Variants in FAM83E observed in about 807,000 individuals in gnomAD.
FAM83E encodes the protein protein FAM83E.
A neutral mutation model predicts 34.3 loss-of-function variants in FAM83E; 29 were observed. The observed-to-expected ratio is 0.85, with a 90% CI of 0.63 to 1.15. The LOEUF (loss-of-function observed/expected upper bound fraction) is 1.15, where lower values mean the gene tolerates loss of function less well. Among genes scored for constraint, FAM83E ranks in the 50% most tolerant of loss-of-function variants. The pLI is 0.00. For missense variants in FAM83E, 697 were observed against 685.0 expected (o/e 1.02, Z -0.20); for synonymous variants, 312 against 311.6 (o/e 1.00, Z -0.01).
rs1196630216 is a variant in FAM83E, at chr19:48,612,924, A to T, written c.449T>A (p.Ile150Asn). Residue 150 changes from isoleucine (I) to asparagine (N), a missense_variant, in exon 3 of 7, where the codon ATC (isoleucine) becomes AAC (asparagine). Transcript: ENST00000263266. Reference protein sequence around the residue: ...PPLKELVRLEIQAAHKLVAVV... With the variant: ...PPLKELVRLENQAAHKLVAVV... ...GACACCCACCTTGTGGGCAGCCTGG[A>T]TCTCCAGCCGCACCAGCTCCTTGAG... 1 of 1,557,082 alleles carries T rather than the reference A, an allele frequency of 6.4e-7. No individual in the cohort carries two copies. Among genetic ancestry groups the T allele is most frequent in the Non-Finnish European group, 8.7e-7 (1 of 1,148,132 alleles).
chr19:48,612,964 C>T lies in FAM83E; in HGVS notation c.409G>A (p.Glu137Lys), dbSNP rs773475170. Residue 137 changes from glutamate to lysine, a missense_variant, in exon 3 of 7, where the codon GAG becomes AAG. By Grantham distance (56) the Glu-to-Lys change is moderately conservative (BLOSUM62 1). Coordinates refer to ENST00000263266, the MANE Select transcript of FAM83E (RefSeq NM_017708.4). Reference sequence around the variant, plus strand: ...AGCTCCTTGAGGGGCGGCTGACCCTCTCCAGGAGGCTGGGTGTACAGCTGC... The same window carrying T: ...AGCTCCTTGAGGGGCGGCTGACCCTTTCCAGGAGGCTGGGTGTACAGCTGC... ...RAQLYTQPPG[E>K]GQPPLKELVR... 3.8e-6 allele frequency: 6 copies of T among 1,599,356 alleles called. No individual in the cohort carries two copies. The African/African-American group carries it at 6.7e-5, about 18-fold the overall frequency.
At chr19:48,602,814 T>G (rs1297400557) in intron 6 of FAM83E, among the ~76,000 whole-genome samples, 1 of 98,238 alleles carries the variant, frequency 1.0e-5, no homozygotes, top group East Asian at 2.9e-4. Flanking sequence ...CAGGAATGTA[T>G]TTATTTATTG....
chr19:48,608,169 G>A (rs1323663829), intron 5 of FAM83E, among the ~76,000 whole-genome samples: 1 of 151,396 alleles, frequency 6.6e-6, no homozygotes. Context: ...GAGTGCAGTG[G>A]TGCAATCTTG....
intron 6 of FAM83E, among the ~76,000 whole-genome samples, chr19:48,602,003 G>A (rs1195076734): frequency 2.0e-5 from 3 of 151,554 alleles, no homozygotes; most frequent in East Asian, 3.9e-4. Flanking sequence ...TTAGCCAGGC[G>A]TGGTGGCGTG....
chr19:48,602,705 ATATATATAT>A (rs1375315317), intron 6 of FAM83E, among the ~76,000 whole-genome samples: 540 of 29,406 alleles, frequency 0.018, 120 homozygotes, highest in East Asian at 0.033. Context: ...AAAAAAAAAA[ATATATATAT>A]ATATATATAT....
At chr19:48,611,525 T>C (rs553962640) in intron 3 of FAM83E, among the ~76,000 whole-genome samples, 25 of 146,576 alleles carry the variant, frequency 1.7e-4, no homozygotes, top group African/African-American at 6.1e-4. Context: ...TGGAGTGCAG[T>C]GGCGCAATAT....
At chr19:48,612,605 T>C (rs964590555) in intron 3 of FAM83E, among the ~76,000 whole-genome samples, 2 of 152,116 alleles carry the variant, frequency 1.3e-5, no homozygotes, top group African/African-American at 4.8e-5. Context: ...GGTTTCACTA[T>C]GTTGGCCAGG....
rs561108431 is a variant in FAM83E at position 48,601,135 on chromosome 19, G to A, written c.1411C>T (p.Arg471Trp). 8 of 1,612,030 alleles carry A rather than the reference G, an allele frequency of 5.0e-6. No homozygotes were observed. The highest frequency in any genetic ancestry group is 2.2e-5 in the South Asian group (2 of 90,846). ...CAGGGTTGCCCCCCAAGTCCTGCCCGGGGGGCCCAGTCTGACGGCCTGACG... is the reference window on the plus strand; with the variant it reads ...CAGGGTTGCCCCCCAAGTCCTGCCCAGGGGGCCCAGTCTGACGGCCTGACG... ...RGVRPSDWAP[R>W]AGLGGQP Residue 471 changes from arginine to tryptophan, a missense_variant, in exon 7 of 7, where the codon CGG (arginine) becomes TGG (tryptophan). By Grantham distance (101) the Arg-to-Trp change is moderately radical. Coordinates refer to ENST00000263266, the MANE Select transcript of FAM83E (RefSeq NM_017708.4).
rs1457361802 is a variant in FAM83E, at chr19:48,614,559, C to T, written c.-1187G>A. On this transcript the variant is annotated 5_prime_UTR_variant, in exon 3 of 7. Transcript: ENST00000263266. ...GGGGACCCTGGACCCTTGATCCCTGCAAACCAGAAGCCCTTCATTCCAATC... is the reference window on the plus strand; with the variant it reads ...GGGGACCCTGGACCCTTGATCCCTGTAAACCAGAAGCCCTTCATTCCAATC... 3 of 986,104 alleles carry T rather than the reference C, an allele frequency of 3.0e-6. No individual in the cohort carries two copies. The highest frequency in any genetic ancestry group is 3.6e-6 in the Non-Finnish European group (3 of 830,566). The allele number at this position is 986,104 out of a possible 1,614,324, so 61.1% of individuals were successfully genotyped here. A position where few individuals can be genotyped will look rare whatever the true frequency, so the allele number is the denominator to read the frequency against.
In FAM83E at chr19:48,613,839, T is replaced by C. The variant is rs1974094781; in HGVS notation, c.-467A>G. ...TTTGGTCAGGCTGACCACTTGATCA[T>C]TTCCAGGCGGCAAGCTGCCTGCCTG... On this transcript the variant is annotated 5_prime_UTR_variant, in exon 3 of 7. The change abolishes an upstream ATG in the 5' untranslated region. Coordinates refer to ENST00000263266, the MANE Select transcript of FAM83E (RefSeq NM_017708.4). 9.1e-6 allele frequency: 9 copies of C among 985,288 alleles called. No homozygotes were observed. The highest frequency in any genetic ancestry group is 1.7e-5 in the African/African-American group (1 of 57,226). 61.0% of individuals were successfully genotyped at this position (985,288 alleles called of 1,614,324 possible). A position where few individuals can be genotyped will look rare whatever the true frequency, so the allele number is the denominator to read the frequency against.
chr19:48,607,573 T>G, intron 5 of FAM83E: 1 of 609,220 alleles, frequency 1.6e-6, no homozygotes, highest in Non-Finnish European at 2.9e-6. Context: ...TTGATTGTAT[T>G]ACTCTGTTCC....
chr19:48,610,086 G>A (rs1974014927), intron 4 of FAM83E, 86 bp from the exon 5 acceptor site: 12 of 1,514,098 alleles, frequency 7.9e-6, no homozygotes, highest in Non-Finnish European at 1.1e-5. Context: ...CTAACTGGGG[G>A]ACCCATGACT....
rs1273815423 is a variant in FAM83E at position 48,600,649 on chromosome 19, T to TC, written c.*459dup. On this transcript the variant is annotated 3_prime_UTR_variant, in exon 7 of 7. Coordinates refer to ENST00000263266, the MANE Select transcript of FAM83E (RefSeq NM_017708.4). ...TCGATCAGCCTTTCTTTTTCTTTTT[T>TC]CTTTTTTTTTTTTTTTTAAAGAGAT... Among the ~76,000 whole-genome samples the TC allele has an allele frequency of 1.3e-5, 2 of 148,328 alleles. No individual in the cohort carries two copies. Among genetic ancestry groups the TC allele is most frequent in the Admixed American group, 6.7e-5 (1 of 14,944 alleles).
intron 5 of FAM83E, chr19:48,607,032 G>A (rs542845904): frequency 2.6e-5 from 42 of 1,611,944 alleles, no homozygotes; most frequent in Middle Eastern, 1.6e-4. Flanking sequence ...CAGGCACGAC[G>A]GGCGTCAAGG....
At chr19:48,611,804 T>C (rs1248979109) in intron 3 of FAM83E, among the ~76,000 whole-genome samples, 2 of 152,180 alleles carry the variant, frequency 1.3e-5, no homozygotes, top group African/African-American at 2.4e-5. Flanking sequence ...CAGCGTCCCC[T>C]GAGCTGCGAC....
At chr19:48,611,261 C>T (rs924570502) in intron 3 of FAM83E, among the ~76,000 whole-genome samples, 12 of 151,744 alleles carry the variant, frequency 7.9e-5, no homozygotes, top group Non-Finnish European at 1.3e-4. Flanking sequence ...CTCCACCTCC[C>T]GGGTTCAAGC....
rs755783157 is a variant in FAM83E at position 48,603,750 on chromosome 19, C to T, written c.920G>A (p.Arg307Gln). Residue 307 changes from arginine (R) to glutamine (Q), a missense_variant, in exon 6 of 7, where the codon CGG becomes CAG. Physicochemically the swap from Arg to Gln is conservative, Grantham distance 43 (BLOSUM62 1). Transcript: ENST00000263266. ...GGACACGCGGTGCGGGCTGCGGCCC[C>T]GCTGCAGGCCACCTATGACCGAGGG... ...QKPSVIGGLQRGRSPHRVSRR... is the reference protein window; with the variant it reads ...QKPSVIGGLQQGRSPHRVSRR... 1.4e-5 allele frequency: 21 copies of T among 1,554,186 alleles called. No individual in the cohort carries two copies. Among genetic ancestry groups the T allele is most frequent in the African/African-American group, 2.8e-5 (2 of 70,254 alleles).
Position 48,615,076 on chromosome 19 carries a change from C to T in FAM83E, c.-1527G>A, listed in dbSNP as rs955138239. Reference sequence around the variant, plus strand: ...CCTGCACCCTGCACTTCCCGGTCCACGCCCCACCCGCCATCCCAGCACCAG... The same window carrying T: ...CCTGCACCCTGCACTTCCCGGTCCATGCCCCACCCGCCATCCCAGCACCAG... On this transcript the variant is annotated 5_prime_UTR_variant, in exon 1 of 7. In the 5' UTR this introduces an upstream ATG that the reference lacks. Transcript: ENST00000263266. Among the ~76,000 whole-genome samples the T allele has an allele frequency of 3.3e-5, 5 of 152,236 alleles. No individual in the cohort carries two copies. Among genetic ancestry groups the T allele is most frequent in the Non-Finnish European group, 5.9e-5 (4 of 68,044 alleles).
chr19:48,609,295 T>A (rs1973996013), intron 5 of FAM83E, among the ~76,000 whole-genome samples: 1 of 147,024 alleles, frequency 6.8e-6, no homozygotes, highest in Non-Finnish European at 1.5e-5. Flanking sequence ...TTTGCTTTTT[T>A]GAGATGGAGT....
Sources: gnomAD v4.1 joint callset for allele counts (sites outside exome capture counted in the v4.1 genomes callset) on GRCh38, gnomAD v4.1.1 for gene constraint, MANE v1.5 for transcripts, NCBI Gene and HGNC (gene_info 2026-07-23, HGNC 2026-07-21) for gene names.